The following SYT16 variants were observed in gnomAD, a reference collection of about 807,000 sequenced individuals.
SYT16 encodes the protein synaptotagmin 16, also known as synaptotagmin-16.
Under a neutral mutation model 61.4 loss-of-function variants are expected in SYT16, and 42 were observed. The observed-to-expected ratio is 0.68, with a 90% CI of 0.53 to 0.89. The LOEUF is 0.89. Among genes scored for constraint, SYT16 ranks in the 40% least tolerant of loss-of-function variants. SYT16 has a pLI of 0.00. For synonymous variants in SYT16, 314 were observed against 302.3 expected (o/e 1.04, Z -0.40); for missense variants, 804 against 807.3 (o/e 1.00, Z 0.05).
In SYT16 at chr14:61,937,821, G is replaced by A. The variant is rs540380067; in HGVS notation, c.-324-32311G>A. ...TAACTTGGCAGTGGGAAACCCCAGGGACTCCCATGTTTATGGTCAGGCTTA... is the reference window on the plus strand; with the variant it reads ...TAACTTGGCAGTGGGAAACCCCAGGAACTCCCATGTTTATGGTCAGGCTTA... On this transcript the variant is annotated intron_variant, in intron 1 of 7. Coordinates refer to ENST00000683842, the MANE Select transcript of SYT16 (RefSeq NM_001367656.1). Among the ~76,000 whole-genome samples the A allele has an allele frequency of 1.1e-4, 17 of 152,188 alleles. No homozygotes were observed. In the South Asian group the frequency reaches 3.5e-3, roughly 32 times the overall value.
intron 1 of SYT16, among the ~76,000 whole-genome samples, chr14:61,833,251 A>G (rs1406800089): frequency 6.6e-6 from 1 of 151,232 alleles, no homozygotes; most frequent in Non-Finnish European, 1.5e-5. Context: ...TGCAAGTCCT[A>G]GATTTCTATT....
chr14:62,078,922 A>G (rs1020539494), intron 5 of SYT16, among the ~76,000 whole-genome samples: 1 of 152,244 alleles, frequency 6.6e-6, no homozygotes, highest in Non-Finnish European at 1.5e-5. Context: ...AAGATGGAAC[A>G]TGAGTTAAGG....
intron 3 of SYT16, among the ~76,000 whole-genome samples, chr14:62,022,493 T>C (rs2140764002): frequency 6.6e-6 from 1 of 152,284 alleles, no homozygotes; most frequent in South Asian, 2.1e-4. Context: ...TATTTAGGTG[T>C]GATCTGCTTT....
chr14:62,097,233 T>G (rs1057313452), intron 7 of SYT16, among the ~76,000 whole-genome samples: 19 of 152,270 alleles, frequency 1.2e-4, no homozygotes, highest in African/African-American at 4.3e-4. Context: ...GGGAAGTGAC[T>G]AGTAAAACAG....
intron 1 of SYT16, among the ~76,000 whole-genome samples, chr14:61,841,727 C>T (rs1340018049): frequency 1.3e-5 from 2 of 152,070 alleles, no homozygotes; most frequent in Non-Finnish European, 2.9e-5. Flanking sequence ...TTCATGTGTG[C>T]CATTTGGTTA....
intron 2 of SYT16, among the ~76,000 whole-genome samples, chr14:61,994,574 G>A (rs1427731252): frequency 3.9e-5 from 6 of 152,162 alleles, no homozygotes; most frequent in Admixed American, 1.3e-4. Flanking sequence ...TACTCTTGCA[G>A]CTGGTGAATA....
intron 3 of SYT16, among the ~76,000 whole-genome samples, chr14:62,056,918 G>A (rs559148942): frequency 2.0e-5 from 3 of 152,336 alleles, no homozygotes; most frequent in South Asian, 4.1e-4. Flanking sequence ...CGGCAGCAGC[G>A]AGCAGGGGGC....
At chr14:61,827,069 C>T (rs990696476) in intron 1 of SYT16, among the ~76,000 whole-genome samples, 4 of 152,030 alleles carry the variant, frequency 2.6e-5, no homozygotes, top group African/African-American at 9.7e-5. Flanking sequence ...CAGTTGTATT[C>T]GGAGGTAGTG....
intron 1 of SYT16, among the ~76,000 whole-genome samples, chr14:61,881,561 A>AT (rs1335141549): frequency 6.6e-6 from 1 of 152,096 alleles, no homozygotes; most frequent in Non-Finnish European, 1.5e-5. Flanking sequence ...CATGGCTTCA[A>AT]TTTTTTGCAT....
chr14:62,006,402 C>T (rs996234680), intron 3 of SYT16, among the ~76,000 whole-genome samples: 17 of 152,086 alleles, frequency 1.1e-4, no homozygotes, highest in African/African-American at 3.9e-4. Flanking sequence ...TTGTCAAGCT[C>T]GCTTTTCCCA....
At chr14:61,997,718 C>T (rs1037371126) in intron 3 of SYT16, among the ~76,000 whole-genome samples, 3 of 151,942 alleles carry the variant, frequency 2.0e-5, no homozygotes, top group Non-Finnish European at 4.4e-5. Flanking sequence ...AATATCTGGG[C>T]CAGCAGTAGA....
chr14:61,813,454 C>T (rs1172762316), intron 1 of SYT16, among the ~76,000 whole-genome samples: 1 of 152,140 alleles, frequency 6.6e-6, no homozygotes, highest in Non-Finnish European at 1.5e-5. Flanking sequence ...ATTGGAATCC[C>T]GTCTGTGAAA....
chr14:61,887,881 G>A (rs1566653864), intron 1 of SYT16, among the ~76,000 whole-genome samples: 2 of 152,162 alleles, frequency 1.3e-5, no homozygotes, highest in Admixed American at 1.3e-4. Context: ...TTCTTACCAT[G>A]CCTGTGTTCA....
chr14:62,012,546 G>T (rs1028880026), intron 3 of SYT16, among the ~76,000 whole-genome samples: 2 of 152,210 alleles, frequency 1.3e-5, no homozygotes, highest in Non-Finnish European at 2.9e-5. Flanking sequence ...CAGTGCTGAA[G>T]GGGGAGGGGC....
At position 61,838,943 on chromosome 14, in the gene SYT16, G is replaced by T. The variant is rs148778720; in HGVS notation, c.-325+26133G>T. The stretch of plus-strand genomic sequence containing the variant: ...TGGGCCATCCCTAGCAAGTGAAAGG[G>T]TGTTTATTGAGGGTGTTTCCCCACC... On this transcript the variant is annotated intron_variant, in intron 1 of 7. Transcript: ENST00000683842. Among the ~76,000 whole-genome samples the T allele has an allele frequency of 8.9e-3, 1,354 of 152,266 alleles. 10 individuals are homozygous for T. The highest frequency in any genetic ancestry group is 0.013 in the Non-Finnish European group (914 of 68,026).
chr14:62,069,281 A>G (rs1355445448), intron 3 of SYT16, among the ~76,000 whole-genome samples: 1 of 152,234 alleles, frequency 6.6e-6, no homozygotes, highest in Non-Finnish European at 1.5e-5. Flanking sequence ...GTTTCCAGTT[A>G]TGAACACATT....
chr14:61,998,532 C>A (rs1444706344), intron 3 of SYT16, among the ~76,000 whole-genome samples: 3 of 151,924 alleles, frequency 2.0e-5, no homozygotes, highest in African/African-American at 7.2e-5. Flanking sequence ...AGTAGTTTTC[C>A]CTTTTTAATT....
intron 1 of SYT16, among the ~76,000 whole-genome samples, chr14:61,836,487 A>C (rs2046133541): frequency 6.6e-6 from 1 of 152,228 alleles, no homozygotes; most frequent in East Asian, 1.9e-4. Context: ...CTAAAATTGA[A>C]TATTAAATGT....
intron 1 of SYT16, among the ~76,000 whole-genome samples, chr14:61,967,148 T>A (rs182594624): frequency 1.3e-5 from 2 of 151,702 alleles, no homozygotes; most frequent in Non-Finnish European, 2.9e-5. Context: ...TCCCAGGGAG[T>A]TGAAATATGC....
Sources: allele counts gnomAD v4.1 joint callset (sites outside exome capture counted in the v4.1 genomes callset), GRCh38; gene constraint gnomAD v4.1.1; transcripts MANE v1.5; gene names NCBI Gene and HGNC (gene_info 2026-07-23, HGNC 2026-07-21).